Variants in PXDNL observed in about 807,000 individuals in gnomAD.
The protein encoded by PXDNL is probable oxidoreductase PXDNL.
PXDNL carries 145 observed loss-of-function variants against 150.8 expected under a neutral mutation model. The observed-to-expected ratio is 0.96, with a 90% CI of 0.84 to 1.10. PXDNL has a LOEUF of 1.10. PXDNL is among the 50% of genes least tolerant of loss of function. The pLI, the probability that PXDNL is intolerant of heterozygous loss-of-function variation, is 0.00. For synonymous variants in PXDNL, 757 were observed against 725.7 expected, an observed-to-expected ratio of 1.04 and a Z score of -0.69; for missense variants, 2,087 against 1,873.9, an observed-to-expected ratio of 1.11 and a Z score of -2.10.
chr8:51,365,358 T>C (rs541577922), intron 19 of PXDNL, among the ~76,000 whole-genome samples: 4 of 152,348 alleles, frequency 2.6e-5, no homozygotes, highest in East Asian at 1.9e-4. Flanking sequence ...TTGTCACCCA[T>C]GGAGAAATAC....
chr8:51,596,469 C>T (rs994628537), intron 2 of PXDNL, among the ~76,000 whole-genome samples: 1 of 152,188 alleles, frequency 6.6e-6, no homozygotes, highest in African/African-American at 2.4e-5. Context: ...TTTGAGCAAT[C>T]TCCAACCTGC....
At chr8:51,499,808 T>A in intron 4 of PXDNL, 38 bp from the exon 5 acceptor site, 1 of 1,327,082 alleles carries the variant, frequency 7.5e-7, no homozygotes, top group Non-Finnish European at 1.1e-6. Context: ...CTCCTTGTGC[T>A]GGTGAGTAAA....
chr8:51,391,178 T>C (rs1484535186), intron 17 of PXDNL, among the ~76,000 whole-genome samples: 1 of 152,118 alleles, frequency 6.6e-6, no homozygotes, highest in Non-Finnish European at 1.5e-5. Flanking sequence ...TCTTTGATAT[T>C]GTGAATAGTG....
chr8:51,585,667 G>A (rs1363369027), intron 3 of PXDNL, among the ~76,000 whole-genome samples: 1 of 152,078 alleles, frequency 6.6e-6, no homozygotes, highest in African/African-American at 2.4e-5. Context: ...GAGACAGAAA[G>A]CTTGGCACAC....
At chr8:51,436,172 G>C (rs995041591) in intron 12 of PXDNL, 15 of 517,448 alleles carry the variant, frequency 2.9e-5, no homozygotes, top group Non-Finnish European at 5.1e-5. Flanking sequence ...CAGATCTTTA[G>C]TACACCGTGG....
In PXDNL at chr8:51,571,671, C is replaced by T. The variant is rs143493085; in HGVS notation, c.309-14760G>A. 1.5e-3 allele frequency among the ~76,000 whole-genome samples: 224 copies of T among 151,936 alleles called. 1 individual carries two copies. Among genetic ancestry groups the T allele is most frequent in the African/African-American group, 5.1e-3 (212 of 41,510 alleles). ...TAAACTTTGCTTTAAAATCTCAAGG[C>T]TGTTAACCAAAAGCATGTTAAGCTC... On this transcript the variant is annotated intron_variant, in intron 3 of 22. Coordinates refer to ENST00000356297, the MANE Select transcript of PXDNL (RefSeq NM_144651.5).
At chr8:51,536,692 C>T (rs1280690785) in intron 4 of PXDNL, among the ~76,000 whole-genome samples, 1 of 151,632 alleles carries the variant, frequency 6.6e-6, no homozygotes, top group Non-Finnish European at 1.5e-5. Flanking sequence ...TAATATATCA[C>T]AAATTTCATT....
intron 1 of PXDNL, among the ~76,000 whole-genome samples, chr8:51,779,641 C>T (rs1207953832): frequency 6.6e-6 from 1 of 152,170 alleles, no homozygotes; most frequent in Admixed American, 6.5e-5. Flanking sequence ...AGTTCTGGTC[C>T]ACCAAGTATG....
chr8:51,471,840 C>A (rs1258048109), intron 8 of PXDNL, among the ~76,000 whole-genome samples: 1 of 151,974 alleles, frequency 6.6e-6, no homozygotes, highest in Non-Finnish European at 1.5e-5. Flanking sequence ...GCGCTCACCA[C>A]CACGCCCAGC....
chr8:51,386,910 A>G (rs1807734833), intron 17 of PXDNL, among the ~76,000 whole-genome samples: 1 of 152,060 alleles, frequency 6.6e-6, no homozygotes, highest in South Asian at 2.1e-4. Flanking sequence ...TCAACTGTAT[A>G]CACTTGATTT....
chr8:51,397,821 T>C (rs1193854361), intron 17 of PXDNL, among the ~76,000 whole-genome samples: 2 of 152,062 alleles, frequency 1.3e-5, no homozygotes, highest in Non-Finnish European at 2.9e-5. Context: ...TTGTTACATA[T>C]GTATACATGT....
chr8:51,560,098 C>T (rs1395382253), intron 3 of PXDNL, among the ~76,000 whole-genome samples: 1 of 151,988 alleles, frequency 6.6e-6, no homozygotes, highest in East Asian at 1.9e-4. Flanking sequence ...TAGGAATAAA[C>T]TTAACCAAGC....
intron 1 of PXDNL, among the ~76,000 whole-genome samples, chr8:51,766,818 G>A (rs1045980377): frequency 1.3e-5 from 2 of 152,032 alleles, no homozygotes; most frequent in Non-Finnish European, 1.5e-5. Context: ...CCTACTTGGA[G>A]TTCATTGAAC....
In PXDNL at chr8:51,449,028, G is replaced by T; in HGVS notation, c.1340C>A (p.Pro447His). 6.5e-7 allele frequency: 1 copy of T among 1,548,454 alleles called. No homozygotes were observed. The highest frequency in any genetic ancestry group is 8.7e-7 in the Non-Finnish European group (1 of 1,143,762). The stretch of plus-strand genomic sequence containing the variant: ...TGTTTTTGTCCAGACAATAACAGGA[G>T]GTGGGTTGCCGTCAGCTTCACAGAG... ...EWLCEADGNP[P>H]PVIVWTKTGG... Residue 447 changes from proline (P) to histidine (H), a missense_variant, in exon 11 of 23, where the codon CCT becomes CAT. Pro to His is a moderately conservative substitution (Grantham distance 77). Transcript: ENST00000356297.
rs528471950 is a variant in PXDNL at position 51,594,886 on chromosome 8, A to G, written c.237-2188T>C. On this transcript the variant is annotated intron_variant, in intron 2 of 22. Coordinates refer to ENST00000356297, the MANE Select transcript of PXDNL (RefSeq NM_144651.5). ...TTCAAAATGTATGAGTGGGTCTGCT[A>G]AAATTCAGGGCGTAAAACAATACCT... 6.6e-5 allele frequency among the ~76,000 whole-genome samples: 10 copies of G among 152,314 alleles called. 1 individual carries two copies. The South Asian group carries it at 2.1e-3, about 32-fold the overall frequency.
chr8:51,496,851 C>A (rs1811063430), intron 5 of PXDNL, among the ~76,000 whole-genome samples: 1 of 152,134 alleles, frequency 6.6e-6, no homozygotes, highest in African/African-American at 2.4e-5. Context: ...ATGAAAATGG[C>A]CAACTGCCCA....
chr8:51,624,511 T>C (rs1008550809), intron 2 of PXDNL, among the ~76,000 whole-genome samples: 7 of 152,138 alleles, frequency 4.6e-5, no homozygotes, highest in Admixed American at 6.5e-5. Context: ...TTTGTTCTCA[T>C]AGTCTGTTAT....
At chr8:51,365,626 TCAAATGG>T (rs1372797444) in intron 19 of PXDNL, among the ~76,000 whole-genome samples, 1 of 152,202 alleles carries the variant, frequency 6.6e-6, no homozygotes, top group Non-Finnish European at 1.5e-5. Context: ...CTGTAGAATG[TCAAATGG>T]CCTTTCTTCA....
chr8:51,344,835 G>T (rs1328699858), intron 20 of PXDNL, among the ~76,000 whole-genome samples: 1 of 152,172 alleles, frequency 6.6e-6, no homozygotes, highest in Non-Finnish European at 1.5e-5. Context: ...TACAGCAGAG[G>T]AAATGGAGAT....
Sources: allele counts gnomAD v4.1 joint callset (sites outside exome capture counted in the v4.1 genomes callset), GRCh38; gene constraint gnomAD v4.1.1; transcripts MANE v1.5; gene names NCBI Gene and HGNC (gene_info 2026-07-23, HGNC 2026-07-21).